STK3: variants seen among roughly 807,000 people sequenced by gnomAD.
STK3 encodes serine/threonine kinase 3.
Under a neutral mutation model 58.0 loss-of-function variants are expected in STK3, and 41 were observed. That is an observed-to-expected ratio of 0.71 (90% confidence interval 0.55 to 0.92). The LOEUF is 0.92. STK3 is among the 40% of genes least tolerant of loss of function. The pLI is 0.00. For missense variants in STK3, 479 were observed against 602.7 expected (o/e 0.79, Z 2.15); for synonymous variants, 170 against 191.0 (o/e 0.89, Z 0.91).
rs575711531 is a variant in STK3, at chr8:98,734,831, C to CA, written c.351+14444dup. ...TAAAACTTGAAAACACTTGACTCCT[C>CA]AAAAAAAAAAAGCTCATATTACCTT... is the stretch of plus-strand genomic sequence containing the variant. On this transcript the variant is annotated intron_variant, in intron 4 of 10. Transcript: ENST00000419617. 8.8e-3 allele frequency among the ~76,000 whole-genome samples: 1,227 copies of CA among 139,494 alleles called. 9 individuals carry two copies. Among genetic ancestry groups the CA allele is most frequent in the African/African-American group, 0.027 (1,042 of 38,300 alleles). 91.5% of individuals were successfully genotyped at this position (139,494 alleles called of 152,430 possible). A position where few individuals can be genotyped will look rare whatever the true frequency, so the allele number is the denominator to read the frequency against.
At chr8:98,936,104 G>A (rs1165370372) in intron 1 of STK3, among the ~76,000 whole-genome samples, 1 of 151,980 alleles carries the variant, frequency 6.6e-6, no homozygotes, top group Non-Finnish European at 1.5e-5. Context: ...ATTTTCAGTA[G>A]AGACAGGGTT....
chr8:98,770,266 C>T (rs568110209), intron 2 of STK3, among the ~76,000 whole-genome samples: 42 of 152,258 alleles, frequency 2.8e-4, no homozygotes, highest in Non-Finnish European at 5.0e-4. Flanking sequence ...TGCTTCCAGA[C>T]CCAAAGTTAT....
chr8:98,886,552 C>T (rs1837997391), intron 1 of STK3, among the ~76,000 whole-genome samples: 1 of 152,198 alleles, frequency 6.6e-6, no homozygotes, highest in African/African-American at 2.4e-5. Context: ...CCATGCTAAG[C>T]TGTTACAAGT....
intron 6 of STK3, among the ~76,000 whole-genome samples, chr8:98,700,158 A>G (rs1680026524): frequency 6.6e-6 from 1 of 152,014 alleles, no homozygotes; most frequent in Non-Finnish European, 1.5e-5. Flanking sequence ...TGGGCGTAGG[A>G]CCCTCTGATC....
At chr8:98,382,680 C>G (rs1048771307) in intron 1 of STK3, among the ~76,000 whole-genome samples, 1 of 152,142 alleles carries the variant, frequency 6.6e-6, no homozygotes, top group African/African-American at 2.4e-5. Flanking sequence ...ATCTGAAATA[C>G]TCCCACTCCC....
intron 1 of STK3, among the ~76,000 whole-genome samples, chr8:98,886,815 GGGCCA>G (rs1838007437): frequency 6.6e-6 from 1 of 151,898 alleles, no homozygotes; most frequent in South Asian, 2.1e-4. Context: ...ATCATCTTTT[GGGCCA>G]GGCACGGTGG....
chr8:98,596,416 C>CT (rs1018502820), intron 6 of STK3: 28 of 337,700 alleles, frequency 8.3e-5, no homozygotes, highest in South Asian at 1.2e-4. Context: ...TTACCTATTA[C>CT]TTTTTTTTAT....
At chr8:98,844,985 A>T (rs1027941368) in intron 3 of STK3, among the ~76,000 whole-genome samples, 1 of 152,224 alleles carries the variant, frequency 6.6e-6, no homozygotes, top group African/African-American at 2.4e-5. Flanking sequence ...TGGTTGGAGC[A>T]GAGCATCCCA....
In STK3 at chr8:98,648,728, C is replaced by T. The variant is rs553677723; in HGVS notation, c.685-52559G>A. Among the ~76,000 whole-genome samples, 28 of 152,168 alleles carry T rather than the reference C, an allele frequency of 1.8e-4. 1 individual carries two copies. The South Asian group carries it at 3.3e-3, about 18-fold the overall frequency. ...CCAATATGGTGAAACCCCATCTCTACTAAAAATACAAAAATAAGCCGGCTG... is the reference window on the plus strand; with the variant it reads ...CCAATATGGTGAAACCCCATCTCTATTAAAAATACAAAAATAAGCCGGCTG... On this transcript the variant is annotated intron_variant, in intron 6 of 10. Coordinates refer to ENST00000419617, the MANE Select transcript of STK3 (RefSeq NM_006281.4).
intron 9 of STK3, among the ~76,000 whole-genome samples, chr8:98,536,296 T>C (rs919433528): frequency 6.6e-6 from 1 of 152,052 alleles, no homozygotes; most frequent in Non-Finnish European, 1.5e-5. Flanking sequence ...CACATAAAAA[T>C]AAGGGTTTAG....
At chr8:98,522,821 T>G (rs1242501913) in intron 10 of STK3, among the ~76,000 whole-genome samples, 3 of 152,224 alleles carry the variant, frequency 2.0e-5, no homozygotes, top group Non-Finnish European at 4.4e-5. Context: ...TGACCTGGCT[T>G]ATTTCACTTA....
At chr8:98,351,846 A>G in the STK3 span, among the ~76,000 whole-genome samples, 1 of 152,216 alleles carries the variant, frequency 6.6e-6, no homozygotes, top group Non-Finnish European at 1.5e-5. Context: ...CACACCAGTC[A>G]GCAAGGAAGC....
At chr8:98,387,872 C>CTTTTTTTTTTTTTT (rs1178928185) in intron 1 of STK3, among the ~76,000 whole-genome samples, 2 of 144,676 alleles carry the variant, frequency 1.4e-5, no homozygotes, top group African/African-American at 5.6e-5. Flanking sequence ...TGTAAAATGC[C>CTTTTTTTTTTTTTT]CTTTTTTTTT....
At position 98,619,723 on chromosome 8, in the gene STK3, C is replaced by G. The variant is rs1464906837; in HGVS notation, c.685-23554G>C. On this transcript the variant is annotated intron_variant, in intron 6 of 10. Transcript: ENST00000419617. ...AAAAAATACATGAAAAAATGCTCAT[C>G]ATCACTGGCCATCAGAGAAATGCAA... Among the ~76,000 whole-genome samples the G allele has an allele frequency of 6.8e-5, 10 of 146,314 alleles. No individual in the cohort carries two copies. In the East Asian group the frequency reaches 1.8e-3, roughly 26 times the overall value.
chr8:98,737,834 A>G (rs1828742916), intron 4 of STK3, among the ~76,000 whole-genome samples: 1 of 152,102 alleles, frequency 6.6e-6, no homozygotes, highest in Non-Finnish European at 1.5e-5. Flanking sequence ...CAGCCTCCAG[A>G]GTAGCTGGGA....
intron 6 of STK3, among the ~76,000 whole-genome samples, chr8:98,656,995 C>CA (rs1158012306): frequency 6.6e-6 from 1 of 151,858 alleles, no homozygotes; most frequent in Non-Finnish European, 1.5e-5. Flanking sequence ...CAGATGGATA[C>CA]AAAATGACAA....
intron 1 of STK3, among the ~76,000 whole-genome samples, chr8:98,936,924 A>G (rs1281974946): frequency 6.6e-6 from 1 of 152,218 alleles, no homozygotes; most frequent in Non-Finnish European, 1.5e-5. Context: ...GGGTTTGGTG[A>G]CTGAAAAGTG....
intron 3 of STK3, among the ~76,000 whole-genome samples, chr8:98,869,804 T>TC (rs1353981875): frequency 1.0e-3 from 1 of 986 alleles, no homozygotes; most frequent in African/African-American, 0.013. Flanking sequence ...GAAGATTTTC[T>TC]TTTTTTTTTC....
chr8:98,716,785 T>C (rs1563924964), intron 4 of STK3, among the ~76,000 whole-genome samples: 1 of 152,084 alleles, frequency 6.6e-6, no homozygotes, highest in African/African-American at 2.4e-5. Flanking sequence ...TACAAAGCTA[T>C]AGTAATCAAA....
Sources: allele counts gnomAD v4.1 joint callset (sites outside exome capture counted in the v4.1 genomes callset), GRCh38; gene constraint gnomAD v4.1.1; transcripts MANE v1.5; gene names NCBI Gene and HGNC (gene_info 2026-07-23, HGNC 2026-07-21).